CFI: variants seen among roughly 807,000 people sequenced by gnomAD.
CFI encodes complement factor I.
Under a neutral mutation model 78.8 loss-of-function variants are expected in CFI, and 66 were observed. The ratio of observed to expected loss-of-function variants is 0.84; its 90% CI spans 0.69 to 1.03. The LOEUF is 1.03. CFI is among the 50% of genes least tolerant of loss of function. CFI has a pLI of 0.00. For synonymous variants in CFI, 250 were observed against 232.6 expected, an observed-to-expected ratio of 1.07 and a Z score of -0.68; for missense variants, 706 against 704.5, an observed-to-expected ratio of 1.00 and a Z score of -0.02.
At chr4:109,766,012 G>A (rs931075162) in intron 2 of CFI, among the ~76,000 whole-genome samples, 3 of 152,090 alleles carry the variant, frequency 2.0e-5, no homozygotes, top group African/African-American at 7.2e-5. Flanking sequence ...CAGCTACTCA[G>A]GAGGCTGAGG....
chr4:109,742,210 TA>T, intron 12 of CFI: 1 of 387,388 alleles, frequency 2.6e-6, no homozygotes, highest in Admixed American at 4.0e-5. Context: ...TAGCAATTAG[TA>T]AAAGCTGGGA....
chr4:109,764,723 G>GT (rs1438510197), intron 2 of CFI, 33 bp from the exon 3 acceptor site: 1 of 1,592,522 alleles, frequency 6.3e-7, no homozygotes, highest in Admixed American at 1.7e-5. Flanking sequence ...TGTGCAATAT[G>GT]TAGCCATTCA....
intron 3 of CFI, among the ~76,000 whole-genome samples, chr4:109,764,183 A>C (rs997019296): frequency 1.3e-5 from 2 of 151,548 alleles, no homozygotes; most frequent in Admixed American, 6.6e-5. Context: ...ATATTATATA[A>C]CTATAAACTA....
In CFI at chr4:109,766,572, C is replaced by T. The variant is rs200419722; in HGVS notation, c.310G>A (p.Gly104Arg). The T allele has an allele frequency of 7.4e-6, 12 of 1,614,120 alleles. No homozygotes were observed. The East Asian group carries it at 1.3e-4, about 18-fold the overall frequency. ...TTGCTACCTTCGGCTGTGCATGTTC[C>T]GTTATTTAAAAACTTTGTCCCTGGA... is the stretch of plus-strand genomic sequence containing the variant. The part of the protein sequence containing the change: ...LHPGTKFLNN[G>R]TCTAEGKFSV... Residue 104 changes from glycine to arginine, a missense_variant, in exon 2 of 13, where the codon GGA becomes AGA. By Grantham distance (125) the Gly-to-Arg change is moderately radical. Coordinates refer to ENST00000394634, the MANE Select transcript of CFI (RefSeq NM_000204.5).
At chr4:109,790,731 C>G (rs1560566204) in intron 1 of CFI, among the ~76,000 whole-genome samples, 1 of 152,166 alleles carries the variant, frequency 6.6e-6, no homozygotes, top group Non-Finnish European at 1.5e-5. Flanking sequence ...GAGGAAATGG[C>G]CTCTGGCTCC....
chr4:109,785,193 A>T (rs1730589146), intron 1 of CFI, among the ~76,000 whole-genome samples: 2 of 152,168 alleles, frequency 1.3e-5, no homozygotes, highest in South Asian at 4.2e-4. Context: ...GCCTGCACCC[A>T]GGTGATTAAA....
At position 109,798,520 on chromosome 4, in the gene CFI, T is replaced by A. The variant is rs13115381; in HGVS notation, c.57+3395A>T. ...AACTCAATAAAGTGTTTTTTTTTTT[T>A]AAAAAGACCATTAAGTCTTTGTTTA... On this transcript the variant is annotated intron_variant, in intron 1 of 12. Coordinates refer to ENST00000394634, the MANE Select transcript of CFI (RefSeq NM_000204.5). Among the ~76,000 whole-genome samples the A allele has an allele frequency of 6.3e-3, 952 of 151,006 alleles. 8 individuals are homozygous for A. The highest frequency in any genetic ancestry group is 7.0e-3 in the Non-Finnish European group (473 of 67,752).
intron 1 of CFI, among the ~76,000 whole-genome samples, chr4:109,789,522 T>C (rs182481574): frequency 6.6e-4 from 101 of 152,192 alleles, no homozygotes; most frequent in Middle Eastern, 3.4e-3. Flanking sequence ...GCAACAATTT[T>C]AAAGTACTGA....
chr4:109,789,268 A>G (rs961372312), intron 1 of CFI, among the ~76,000 whole-genome samples: 51 of 152,120 alleles, frequency 3.4e-4, no homozygotes, highest in African/African-American at 1.2e-3. Context: ...AAATGAGGGA[A>G]CAAAAAACAT....
intron 2 of CFI, among the ~76,000 whole-genome samples, chr4:109,765,889 C>T (rs892260612): frequency 2.6e-5 from 4 of 151,982 alleles, no homozygotes; most frequent in East Asian, 1.9e-4. Flanking sequence ...GAGGCCGAGG[C>T]GGGCGGATCA....
At chr4:109,792,124 G>A (rs577099342) in intron 1 of CFI, among the ~76,000 whole-genome samples, 1 of 152,106 alleles carries the variant, frequency 6.6e-6, no homozygotes, top group African/African-American at 2.4e-5. Context: ...ATGTGCGCTT[G>A]AGAAAAATGT....
intron 10 of CFI, among the ~76,000 whole-genome samples, chr4:109,746,973 T>A (rs1158534352): frequency 6.6e-6 from 1 of 152,206 alleles, no homozygotes; most frequent in Non-Finnish European, 1.5e-5. Flanking sequence ...ATCCTAACAT[T>A]GCATTGTATT....
At position 109,753,296 on chromosome 4, in the gene CFI, AATAAATATTTATAATATATATTTATTAT is replaced by A. The variant is rs1315408636; in HGVS notation, c.905-821_905-794del. ...TATTTATAATATATATTTATTATAT[AATAAATATTTATAATATATATTTATTAT>A]ATAAATATTTATAATATATATTTAT... On this transcript the variant is annotated intron_variant, in intron 7 of 12. Coordinates refer to ENST00000394634, the MANE Select transcript of CFI (RefSeq NM_000204.5). Among the ~76,000 whole-genome samples the A allele has an allele frequency of 2.9e-3, 3 of 1,022 alleles. 1 individual carries two copies. Among genetic ancestry groups the A allele is most frequent in the Admixed American group, 0.042 (1 of 24 alleles). The allele number at this position is 1,022 out of a possible 152,430, so 0.7% of individuals were successfully genotyped here. A position where few individuals can be genotyped will look rare whatever the true frequency, so the allele number is the denominator to read the frequency against.
chr4:109,781,436 C>T (rs1288901199), intron 1 of CFI, among the ~76,000 whole-genome samples: 2 of 152,042 alleles, frequency 1.3e-5, no homozygotes, highest in African/African-American at 4.8e-5. Flanking sequence ...TGGAAAAATA[C>T]AACCCTTCTA....
chr4:109,766,110 T>C (rs1727714874), intron 2 of CFI, among the ~76,000 whole-genome samples: 1 of 151,978 alleles, frequency 6.6e-6, no homozygotes, highest in African/African-American at 2.4e-5. Context: ...AGAGCCAGAC[T>C]CCGTCTCAAA....
chr4:109,777,064 C>A (rs997156726), intron 1 of CFI, among the ~76,000 whole-genome samples: 1 of 152,168 alleles, frequency 6.6e-6, no homozygotes, highest in Non-Finnish European at 1.5e-5. Flanking sequence ...ACTGCATCAA[C>A]TAACGAGCAA....
intron 1 of CFI, among the ~76,000 whole-genome samples, chr4:109,768,859 T>C (rs1451136125): frequency 6.6e-6 from 1 of 150,974 alleles, no homozygotes; most frequent in East Asian, 2.0e-4. Flanking sequence ...TCATTCTCCA[T>C]AATTTGCTTT....
At position 109,746,405 on chromosome 4, in the gene CFI, T is replaced by C. The variant is rs61733901; in HGVS notation, c.1246A>G (p.Ile416Val). 3.1e-6 allele frequency: 5 copies of C among 1,613,986 alleles called. No individual in the cohort carries two copies. The highest frequency in any genetic ancestry group is 4.2e-6 in the Non-Finnish European group (5 of 1,180,004). Residue 416 changes from isoleucine (I) to valine (V), a missense_variant, in exon 11 of 13, where the codon ATT becomes GTT. Ile to Val is a conservative substitution (Grantham distance 29). Transcript: ENST00000394634. ...RIVIEYVDRI[I>V]FHENYNAGTY... ...CCTGCATTGTAGTTTTCATGGAAAATAATTCTATCCACGTATTCAATTACT... is the reference window on the plus strand; with the variant it reads ...CCTGCATTGTAGTTTTCATGGAAAACAATTCTATCCACGTATTCAATTACT...
In CFI at chr4:109,746,372, G is replaced by C; in HGVS notation, c.1279C>G (p.Gln427Glu). The C allele has an allele frequency of 1.2e-6, 2 of 1,614,062 alleles. No homozygotes were observed. The highest frequency in any genetic ancestry group is 1.7e-6 in the Non-Finnish European group (2 of 1,180,008). ...FHENYNAGTY[Q>E]NDIALIEMKK... ...ATTTCAATCAAAGCGATGTCATTTT[G>C]GTAAGTGCCTGCATTGTAGTTTTCA... Residue 427 changes from glutamine to glutamate, a missense_variant, in exon 11 of 13, where the codon CAA (glutamine) becomes GAA (glutamate). Transcript: ENST00000394634.
Sources: allele counts gnomAD v4.1 joint callset (sites outside exome capture counted in the v4.1 genomes callset), GRCh38; gene constraint gnomAD v4.1.1; transcripts MANE v1.5; gene names NCBI Gene and HGNC (gene_info 2026-07-23, HGNC 2026-07-21).